The following CLN3 variants were observed in gnomAD, a reference collection of about 807,000 sequenced individuals.
The protein encoded by CLN3 is battenin.
In CLN3, 49 loss-of-function variants were observed where a neutral mutation model predicts 60.7. The observed-to-expected ratio is 0.81, with a 90% CI of 0.64 to 1.02. The LOEUF (loss-of-function observed/expected upper bound fraction) is 1.02, where lower values mean the gene tolerates loss of function less well. CLN3 is among the 50% of genes least tolerant of loss of function. The probability of loss-of-function intolerance (pLI) is 0.00; values close to 1 mark genes in which losing one functional copy is unlikely to be tolerated. For synonymous variants in CLN3, 256 were observed against 245.8 expected (o/e 1.04, Z -0.39); for missense variants, 516 against 557.4 (o/e 0.93, Z 0.75).
At chr16:28,483,985 C>CT in intron 10 of CLN3, 21 bp downstream of exon 10, 1 of 1,568,834 alleles carries the variant, frequency 6.4e-7, no homozygotes, top group African/African-American at 1.3e-5. Context: ...AGTGACCTCT[C>CT]TGAGGGTCTG....
At position 28,491,966 on chromosome 16, in the gene CLN3, C is replaced by A. The variant is rs984488772; in HGVS notation, c.-77+54G>T. Reference sequence around the variant, plus strand: ...GAGCGCCCTACGACCCACCACGCCCCACCCATCGTACTCTCCCCCGCCCCG... The same window carrying A: ...GAGCGCCCTACGACCCACCACGCCCAACCCATCGTACTCTCCCCCGCCCCG... On this transcript the variant is annotated intron_variant, in intron 1 of 15. Transcript: ENST00000636147. 3.0e-5 allele frequency: 20 copies of A among 657,298 alleles called. No homozygotes were observed. The African/African-American group carries it at 3.6e-4, about 12-fold the overall frequency. 40.7% of individuals were successfully genotyped at this position (657,298 alleles called of 1,614,324 possible).
intron 9 of CLN3, among the ~76,000 whole-genome samples, chr16:28,485,225 G>C (rs1596560027): frequency 6.7e-6 from 1 of 149,906 alleles, no homozygotes; most frequent in Admixed American, 6.7e-5. Flanking sequence ...TTACAGATGT[G>C]AGCCACCATG....
intron 14 of CLN3, among the ~76,000 whole-genome samples, chr16:28,478,903 T>C (rs1007209682): frequency 1.3e-5 from 2 of 152,156 alleles, no homozygotes; most frequent in Non-Finnish European, 2.9e-5. Flanking sequence ...TGGTTCACTA[T>C]GGTAAAACAA....
chr16:28,472,979 C>T (rs1724224542), downstream of CLN3, among the ~76,000 whole-genome samples: 1 of 151,582 alleles, frequency 6.6e-6, no homozygotes, highest in Non-Finnish European at 1.5e-5. Context: ...TGCTCTGTGC[C>T]CACATTGGGG....
rs777635234 is a variant in CLN3 at position 28,477,466 on chromosome 16, G to A, written c.*50C>T. On this transcript the variant is annotated 3_prime_UTR_variant, in exon 16 of 16. Transcript: ENST00000636147. Reference sequence around the variant, plus strand: ...TGGGGTGGGCCTGGGTGTCTGACCTGTCCCTCTGCCCACAGGTGAATGTGA... The same window carrying A: ...TGGGGTGGGCCTGGGTGTCTGACCTATCCCTCTGCCCACAGGTGAATGTGA... The A allele has an allele frequency of 5.0e-6, 8 of 1,610,756 alleles. No individual in the cohort carries two copies. The highest frequency in any genetic ancestry group is 6.8e-6 in the Non-Finnish European group (8 of 1,179,622).
chr16:28,491,496 G>A lies in CLN3; in HGVS notation c.111C>T (p.Asn37=), dbSNP rs776507846. Residue 37 remains asparagine (N), a synonymous_variant, in exon 3 of 16, where the codon AAC becomes AAT. Transcript: ENST00000636147. The stretch of plus-strand genomic sequence containing the variant: ...AGGCCACTCACCAGAAGCCCACCGC[G>A]TTCTTCCAATGCGCGCCCTGATGGT... ...LLDHQGAHWK[N]AVGFWLLGLC... 6.2e-7 allele frequency: 1 copy of A among 1,613,708 alleles called. No individual in the cohort carries two copies. Among genetic ancestry groups the A allele is most frequent in the Non-Finnish European group, 8.5e-7 (1 of 1,180,026 alleles).
At chr16:28,476,090 T>G (rs1203611267), downstream of CLN3, 1 of 151,992 alleles carries the variant, frequency 6.6e-6, no homozygotes, top group Non-Finnish European at 1.5e-5. Context: ...TTTTGTCACG[T>G]TGTGCAGGCT....
chr16:28,475,974 C>T (rs2045990588), downstream of CLN3: 1 of 151,804 alleles, frequency 6.6e-6, no homozygotes, highest in African/African-American at 2.4e-5. Flanking sequence ...CAACCTCCGC[C>T]TCCTGGGTTC....
At chr16:28,488,469 C>A in intron 5 of CLN3, 122 bp downstream of exon 5, 1 of 860,584 alleles carries the variant, frequency 1.2e-6, no homozygotes, top group Non-Finnish European at 1.9e-6. Flanking sequence ...GCCAGTGCGC[C>A]CAGCCCAGGT....
chr16:28,480,980 T>A (rs2046079623), intron 14 of CLN3, among the ~76,000 whole-genome samples: 1 of 152,224 alleles, frequency 6.6e-6, no homozygotes, highest in African/African-American at 2.4e-5. Context: ...CTATCTAGAA[T>A]AAAAGAACTG....
At chr16:28,472,148 C>T (rs1170026612), downstream of CLN3, among the ~76,000 whole-genome samples, 3 of 152,204 alleles carry the variant, frequency 2.0e-5, no homozygotes, top group Non-Finnish European at 4.4e-5. Context: ...TGCAGTGGCC[C>T]ACGCCTGTAA....
At chr16:28,468,766 CA>C in the CLN3 span, among the ~76,000 whole-genome samples, 1 of 112,518 alleles carries the variant, frequency 8.9e-6, no homozygotes, top group African/African-American at 2.9e-5. Context: ...GAGATCGCAC[CA>C]CTGCACTTCA....
Position 28,477,350 on chromosome 16 carries a change from G to T in CLN3, c.*166C>A. The T allele has an allele frequency of 1.2e-6, 1 of 854,854 alleles. No homozygotes were observed. Among genetic ancestry groups the T allele is most frequent in the South Asian group, 1.5e-5 (1 of 67,820 alleles). 53.0% of individuals were successfully genotyped at this position (854,854 alleles called of 1,614,324 possible). A position where few individuals can be genotyped will look rare whatever the true frequency, so the allele number is the denominator to read the frequency against. Reference sequence around the variant, plus strand: ...GAAACTCCCCAAGTGGGAGACAATGGCTGGCCCCCCTGCAAGGGAAACAAG... The same window carrying T: ...GAAACTCCCCAAGTGGGAGACAATGTCTGGCCCCCCTGCAAGGGAAACAAG... On this transcript the variant is annotated 3_prime_UTR_variant, in exon 16 of 16. Transcript: ENST00000636147.
At position 28,486,428 on chromosome 16, in the gene CLN3, T is replaced by C; in HGVS notation, c.596A>G (p.Tyr199Cys). ...GGAGLLGALS[Y>C]LGLTQAGLSP... ...GAGGCCGGCCTGGGTGAGGCCCAGGTAGGACAGGGCCCCCAGCAGCCCAGC... is the reference window on the plus strand; with the variant it reads ...GAGGCCGGCCTGGGTGAGGCCCAGGCAGGACAGGGCCCCCAGCAGCCCAGC... Residue 199 changes from tyrosine to cysteine, a missense_variant, in exon 9 of 16, where the codon TAC becomes TGC. By Grantham distance (194) the Tyr-to-Cys change is radical (BLOSUM62 -2). Transcript: ENST00000636147. 1 of 1,613,352 alleles carries C rather than the reference T, an allele frequency of 6.2e-7. No homozygotes were observed. Among genetic ancestry groups the C allele is most frequent in the Non-Finnish European group, 8.5e-7 (1 of 1,179,880 alleles).
At chr16:28,491,421 T>C in intron 3 of CLN3, 61 bp downstream of exon 3, 1 of 1,590,984 alleles carries the variant, frequency 6.3e-7, no homozygotes, top group Non-Finnish European at 8.6e-7. Context: ...CTTCCCCCTT[T>C]CCTCCGGTCA....
At chr16:28,472,088 A>G (rs537370504), downstream of CLN3, among the ~76,000 whole-genome samples, 2 of 152,360 alleles carry the variant, frequency 1.3e-5, no homozygotes, top group South Asian at 2.1e-4. Flanking sequence ...CTACAAAGCT[A>G]TAGTAATTAA....
downstream of CLN3, chr16:28,475,382 T>C (rs1233505991): frequency 6.6e-6 from 1 of 152,318 alleles, no homozygotes; most frequent in Non-Finnish European, 1.5e-5. Context: ...TTATTGAGTG[T>C]TGACATGATC....
rs780776829 is a variant in CLN3, at chr16:28,487,536, C to T, written c.380G>A (p.Arg127Gln). 18 of 1,613,550 alleles carry T rather than the reference C, an allele frequency of 1.1e-5. No homozygotes were observed. The highest frequency in any genetic ancestry group is 9.4e-5 in the African/African-American group (7 of 74,856). ...AGCACAAATCCCACTGACGAGAACCCGGGGGCTGAGGGGGTGAGAAGGGAA... is the reference window on the plus strand; with the variant it reads ...AGCACAAATCCCACTGACGAGAACCTGGGGGCTGAGGGGGTGAGAAGGGAA... ...LGLHLLPYSP[R>Q]VLVSGICAAG... Residue 127 changes from arginine to glutamine, a missense_variant, in exon 7 of 16, where the codon CGG becomes CAG. Coordinates refer to ENST00000636147, the MANE Select transcript of CLN3 (RefSeq NM_001042432.2).
rs532573871 is a variant in CLN3 at position 28,477,406 on chromosome 16, C to T, written c.*110G>A. 26 of 1,479,448 alleles carry T rather than the reference C, an allele frequency of 1.8e-5. No homozygotes were observed. The highest frequency in any genetic ancestry group is 5.1e-5 in the Admixed American group (3 of 58,486). 91.6% of individuals were successfully genotyped at this position (1,479,448 alleles called of 1,614,324 possible). ...AGCCCTTCCCTACTCCCAGACCTGC[C>T]GGGAAGGCTGGGAGCACAGTTCATG... On this transcript the variant is annotated 3_prime_UTR_variant, in exon 16 of 16. Coordinates refer to ENST00000636147, the MANE Select transcript of CLN3 (RefSeq NM_001042432.2).
Sources: gnomAD v4.1 joint callset for allele counts (sites outside exome capture counted in the v4.1 genomes callset) on GRCh38, gnomAD v4.1.1 for gene constraint, MANE v1.5 for transcripts, NCBI Gene and HGNC (gene_info 2026-07-23, HGNC 2026-07-21) for gene names.